The following TM4SF18 variants were observed in gnomAD, a reference collection of about 807,000 sequenced individuals.
The protein encoded by TM4SF18 is transmembrane 4 L6 family member 18.
TM4SF18 carries 22 observed loss-of-function variants against 23.8 expected under a neutral mutation model. That is an observed-to-expected ratio of 0.92 (90% CI 0.66 to 1.32). TM4SF18 has a LOEUF of 1.32. Among genes scored for constraint, TM4SF18 ranks in the 40% most tolerant of loss-of-function variants. The pLI is 0.00. For missense variants in TM4SF18, 255 were observed against 240.3 expected (o/e 1.06, Z -0.41); for synonymous variants, 87 against 87.9 (o/e 0.99, Z 0.06).
Position 149,321,055 on chromosome 3 carries a change from AT to A in TM4SF18, c.*422del, listed in dbSNP as rs11347882. 15,019 of 151,112 alleles carry A rather than the reference AT, an allele frequency of 0.099. 948 individuals carry two copies. The highest frequency in any genetic ancestry group is 0.15 in the Middle Eastern group (43 of 294). The allele number at this position is 151,112 out of a possible 1,614,324, so 9.4% of individuals were successfully genotyped here. The stretch of plus-strand genomic sequence containing the variant: ...TGTAGTACTCTTTATTTTTTATTTA[AT>A]TTTTTTTTTAATATCAGAAAACATT... On this transcript the variant is annotated 3_prime_UTR_variant, in exon 6 of 6. Transcript: ENST00000296059.
intron 4 of TM4SF18, among the ~76,000 whole-genome samples, chr3:149,324,625 C>T (rs528312423): frequency 6.6e-6 from 1 of 152,300 alleles, no homozygotes; most frequent in East Asian, 1.9e-4. Flanking sequence ...GAGAAACACA[C>T]CTTTCATTTG....
At position 149,324,210 on chromosome 3, in the gene TM4SF18, T is replaced by C. The variant is rs118083146; in HGVS notation, c.410+670A>G. On this transcript the variant is annotated intron_variant, in intron 4 of 5. Transcript: ENST00000296059. Reference sequence around the variant, plus strand: ...CCCAATAAGCCCAGCACAATGCCAGTGTGAGGCATTCTGAGATCCGGGATT... The same window carrying C: ...CCCAATAAGCCCAGCACAATGCCAGCGTGAGGCATTCTGAGATCCGGGATT... Among the ~76,000 whole-genome samples the C allele has an allele frequency of 4.0e-3, 611 of 152,280 alleles. 13 individuals are homozygous for C. In the East Asian group the frequency reaches 0.051, roughly 13 times the overall value.
At position 149,333,548 on chromosome 3, in the gene TM4SF18, T is replaced by G; in HGVS notation, c.-53A>C. 3 of 483,470 alleles carry G rather than the reference T, an allele frequency of 6.2e-6. No individual in the cohort carries two copies. Among genetic ancestry groups the G allele is most frequent in the Non-Finnish European group, 1.0e-5 (3 of 287,336 alleles). The allele number at this position is 483,470 out of a possible 1,614,324, so 29.9% of individuals were successfully genotyped here. ...GTCAGAGCCCTTCACTTCATATTCA[T>G]GAGGAGACGGGGAATTGGAATATAC... On this transcript the variant is annotated 5_prime_UTR_variant, in exon 1 of 6. The change abolishes an upstream ATG in the 5' untranslated region. Transcript: ENST00000296059.
In TM4SF18 at chr3:149,320,368, T is replaced by C. The variant is rs773803800; in HGVS notation, c.*1110A>G. ...TACTGTCCCCGAGGAAGACATGGCA[T>C]GTATAGGTGGAAAATTTGTAAGTGT... On this transcript the variant is annotated 3_prime_UTR_variant, in exon 6 of 6. Transcript: ENST00000296059. 1 of 152,202 alleles carries C rather than the reference T, an allele frequency of 6.6e-6. No individual in the cohort carries two copies. Among genetic ancestry groups the C allele is most frequent in the Non-Finnish European group, 1.5e-5 (1 of 68,052 alleles). The allele number at this position is 152,202 out of a possible 1,614,324, so 9.4% of individuals were successfully genotyped here.
intron 4 of TM4SF18, among the ~76,000 whole-genome samples, chr3:149,323,188 G>A (rs544124413): frequency 2.6e-5 from 4 of 152,110 alleles, no homozygotes; most frequent in East Asian, 1.9e-4. Flanking sequence ...ATGAGCCACC[G>A]CGCCTGGCCC....
chr3:149,329,400 AT>A (rs1453397416), intron 3 of TM4SF18, among the ~76,000 whole-genome samples: 1 of 152,236 alleles, frequency 6.6e-6, no homozygotes, highest in Non-Finnish European at 1.5e-5. Context: ...TGGGGATGGG[AT>A]TTAGGCATTA....
chr3:149,319,095 A>G lies in TM4SF18; in HGVS notation c.*2383T>C, dbSNP rs1334224839. On this transcript the variant is annotated 3_prime_UTR_variant, in exon 6 of 6. Transcript: ENST00000296059. ...TTTGGCTGTACCCCTGATGTGTCCA[A>G]TGCTGTGGTGGAGTCATTCAGCAAA... 5 of 152,190 alleles carry G rather than the reference A, an allele frequency of 3.3e-5. No homozygotes were observed. Among genetic ancestry groups the G allele is most frequent in the South Asian group, 2.1e-4 (1 of 4,832 alleles). The allele number at this position is 152,190 out of a possible 1,614,324, so 9.4% of individuals were successfully genotyped here.
chr3:149,327,481 A>T (rs1730979400), intron 3 of TM4SF18, among the ~76,000 whole-genome samples: 1 of 148,840 alleles, frequency 6.7e-6, no homozygotes. Flanking sequence ...AAAAAAAAAA[A>T]TCCAGAGCTG....
At chr3:149,329,945 GCA>G (rs1731053551) in intron 3 of TM4SF18, 1 of 155,088 alleles carries the variant, frequency 6.4e-6, no homozygotes, top group African/African-American at 2.4e-5. Context: ...TATCTTGACT[GCA>G]ATGGTGGTTT....
In TM4SF18 at chr3:149,333,358, A is replaced by G; in HGVS notation, c.25T>C (p.Cys9Arg). The part of the protein sequence containing the change: MGSRKCGG[C>R]LSCLLIPLAL... ...AGCGGAATCAGCAAACAACTTAGGC[A>G]GCCTCCACACTTCCGAGACCCCATT... is the stretch of plus-strand genomic sequence containing the variant. Residue 9 changes from cysteine to arginine, a missense_variant, in exon 2 of 6, where the codon TGC (cysteine) becomes CGC (arginine). Physicochemically the swap from Cys to Arg is radical, Grantham distance 180. Transcript: ENST00000296059. The G allele has an allele frequency of 6.2e-7, 1 of 1,613,120 alleles. No homozygotes were observed. The highest frequency in any genetic ancestry group is 8.5e-7 in the Non-Finnish European group (1 of 1,179,530).
chr3:149,330,636 T>G (rs1419643913), intron 2 of TM4SF18, among the ~76,000 whole-genome samples: 2 of 152,154 alleles, frequency 1.3e-5, no homozygotes, highest in African/African-American at 4.8e-5. Flanking sequence ...ACATTTTGAG[T>G]ATAGTGGTTG....
intron 3 of TM4SF18, among the ~76,000 whole-genome samples, chr3:149,328,698 G>A (rs1731011932): frequency 6.6e-6 from 1 of 152,170 alleles, no homozygotes; most frequent in Non-Finnish European, 1.5e-5. Context: ...TTCAGTAGCA[G>A]CTCCTTCTCC....
intron 3 of TM4SF18, among the ~76,000 whole-genome samples, chr3:149,327,918 A>G (rs1730991521): frequency 1.3e-5 from 2 of 152,200 alleles, no homozygotes; most frequent in South Asian, 4.1e-4. Context: ...TAAAGTGGGA[A>G]TAAGAATTTG....
At chr3:149,323,178 A>G (rs1730855407) in intron 4 of TM4SF18, among the ~76,000 whole-genome samples, 1 of 152,158 alleles carries the variant, frequency 6.6e-6, no homozygotes, top group African/African-American at 2.4e-5. Context: ...GATTACAGGC[A>G]TGAGCCACCG....
rs1278980392 is a variant in TM4SF18, at chr3:149,333,194, A to G, written c.177+12T>C. 6.2e-7 allele frequency: 1 copy of G among 1,605,802 alleles called. No individual in the cohort carries two copies. Among genetic ancestry groups the G allele is most frequent in the South Asian group, 1.1e-5 (1 of 89,160 alleles). On this transcript the variant is annotated intron_variant, in intron 2 of 5. Coordinates refer to ENST00000296059, the MANE Select transcript of TM4SF18 (RefSeq NM_138786.4). ...TCCCCCTTCTCTCCCAAGTCTCCAAATTCATACTTACCATGATGCCTGAGA... is the reference window on the plus strand; with the variant it reads ...TCCCCCTTCTCTCCCAAGTCTCCAAGTTCATACTTACCATGATGCCTGAGA...
chr3:149,323,223 G>C (rs1304094466), intron 4 of TM4SF18, among the ~76,000 whole-genome samples: 1 of 152,078 alleles, frequency 6.6e-6, no homozygotes, highest in Non-Finnish European at 1.5e-5. Context: ...TTGATAATGG[G>C]GTTAAAATAT....
chr3:149,321,483 T>G lies in TM4SF18; in HGVS notation c.601A>C (p.Ile201Leu). The part of the protein sequence containing the change: ...SYSVIFQPGI[I>L] ...GGAAAACATTTTGTCCTTATTCAAA[T>G]GATTCCAGGCTATAGGAAAAAAGGA... is the stretch of plus-strand genomic sequence containing the variant. Residue 201 changes from isoleucine to leucine, a missense_variant, in exon 6 of 6, where the codon ATT (isoleucine) becomes CTT (leucine). By Grantham distance (5) the Ile-to-Leu change is conservative. Coordinates refer to ENST00000296059, the MANE Select transcript of TM4SF18 (RefSeq NM_138786.4). 6.4e-7 allele frequency: 1 copy of G among 1,574,040 alleles called. No homozygotes were observed. Among genetic ancestry groups the G allele is most frequent in the Non-Finnish European group, 8.6e-7 (1 of 1,157,120 alleles).
Position 149,322,124 on chromosome 3 carries a change from T to C in TM4SF18, c.591+132A>G, listed in dbSNP as rs765547015. Reference sequence around the variant, plus strand: ...TCAGAAAAAATTGAGATATTAGAGCTTGAATAAAGATGAGGGCAATAGAAA... The same window carrying C: ...TCAGAAAAAATTGAGATATTAGAGCCTGAATAAAGATGAGGGCAATAGAAA... On this transcript the variant is annotated intron_variant, in intron 5 of 5. Transcript: ENST00000296059. The C allele has an allele frequency of 8.2e-5, 62 of 754,746 alleles. No individual in the cohort carries two copies. The Middle Eastern group carries it at 8.8e-4, about 11-fold the overall frequency. The allele number at this position is 754,746 out of a possible 1,614,324, so 46.8% of individuals were successfully genotyped here. A position where few individuals can be genotyped will look rare whatever the true frequency, so the allele number is the denominator to read the frequency against.
At chr3:149,322,517 G>A in intron 4 of TM4SF18, 81 bp from the exon 5 acceptor site, 3 of 1,182,360 alleles carry the variant, frequency 2.5e-6, no homozygotes, top group Non-Finnish European at 3.6e-6. Context: ...AGAAATTACT[G>A]TATAACTAAA....
Sources: gnomAD v4.1 joint callset for allele counts (sites outside exome capture counted in the v4.1 genomes callset) on GRCh38, gnomAD v4.1.1 for gene constraint, MANE v1.5 for transcripts, NCBI Gene and HGNC (gene_info 2026-07-23, HGNC 2026-07-21) for gene names.